The following ADGRB3 variants were observed in gnomAD, a reference collection of about 807,000 sequenced individuals.
The protein encoded by ADGRB3 is brain-specific angiogenesis inhibitor 3.
A neutral mutation model predicts 193.4 loss-of-function variants in ADGRB3; 37 were observed. That is an observed-to-expected ratio of 0.19 (90% CI 0.15 to 0.25). ADGRB3 has a LOEUF of 0.25. Ranked by LOEUF, ADGRB3 falls within the 10% of genes least tolerant of loss-of-function variation. The pLI is 1.00. For missense variants in ADGRB3, 1,637 were observed against 1,852.9 expected (o/e 0.88, Z 2.14); for synonymous variants, 690 against 644.2 (o/e 1.07, Z -1.08).
intron 3 of ADGRB3, among the ~76,000 whole-genome samples, chr6:68,728,311 A>T (rs933084044): frequency 6.6e-6 from 1 of 151,508 alleles, no homozygotes; most frequent in Admixed American, 6.6e-5. Flanking sequence ...CAATGTTGCA[A>T]TACATCTTTC....
chr6:69,091,570 C>G (rs1241249465), intron 17 of ADGRB3, among the ~76,000 whole-genome samples: 1 of 152,092 alleles, frequency 6.6e-6, no homozygotes, highest in East Asian at 1.9e-4. Flanking sequence ...GTTCTCACTT[C>G]TAAGTGGGAG....
intron 17 of ADGRB3, among the ~76,000 whole-genome samples, chr6:69,143,697 T>C (rs1774403170): frequency 1.3e-5 from 2 of 152,224 alleles, no homozygotes; most frequent in African/African-American, 2.4e-5. Context: ...ACTATAGTTG[T>C]ATGGATTTTT....
rs941422802 is a variant in ADGRB3, at chr6:69,106,227, TTGTTA to T, written c.2480+30196_2480+30200del. On this transcript the variant is annotated intron_variant, in intron 17 of 31. Coordinates refer to ENST00000370598, the MANE Select transcript of ADGRB3 (RefSeq NM_001704.3). ...AAAAGAAACTTTGAAGAAAATAAAT[TTGTTA>T]TGTTATTTTATGTTATTTTTATGTT... Among the ~76,000 whole-genome samples, 4 of 148,044 alleles carry T rather than the reference TTGTTA, an allele frequency of 2.7e-5. No homozygotes were observed. The South Asian group carries it at 6.6e-4, about 24-fold the overall frequency.
chr6:69,103,651 G>T (rs570247183), intron 17 of ADGRB3, among the ~76,000 whole-genome samples: 2 of 151,602 alleles, frequency 1.3e-5, no homozygotes, highest in Admixed American at 6.6e-5. Context: ...ATTTTATCCT[G>T]TAGTGAATTG....
chr6:68,667,620 CAG>C (rs1471907298), intron 3 of ADGRB3, among the ~76,000 whole-genome samples: 1 of 151,832 alleles, frequency 6.6e-6, no homozygotes, highest in African/African-American at 2.4e-5. Flanking sequence ...TCCAGGAAAA[CAG>C]AAATTTCTGA....
chr6:69,103,592 T>C (rs1211407191), intron 17 of ADGRB3, among the ~76,000 whole-genome samples: 1 of 151,980 alleles, frequency 6.6e-6, no homozygotes, highest in African/African-American at 2.4e-5. Context: ...TTCATCTATC[T>C]TAAAGTGGCT....
intron 3 of ADGRB3, among the ~76,000 whole-genome samples, chr6:68,726,260 A>G (rs1221426503): frequency 6.6e-6 from 1 of 151,684 alleles, no homozygotes; most frequent in African/African-American, 2.4e-5. Flanking sequence ...CCAGGGATAT[A>G]AAAAGCAACT....
At chr6:68,681,476 C>T (rs901992681) in intron 3 of ADGRB3, among the ~76,000 whole-genome samples, 1 of 151,932 alleles carries the variant, frequency 6.6e-6, no homozygotes, top group African/African-American at 2.4e-5. Context: ...GATGGGGTCT[C>T]GCGATGTTGC....
chr6:69,068,252 T>A (rs1429436033), intron 16 of ADGRB3, among the ~76,000 whole-genome samples: 1 of 152,164 alleles, frequency 6.6e-6, no homozygotes, highest in African/African-American at 2.4e-5. Context: ...TGAGTACATG[T>A]CAAAACGCAT....
chr6:69,189,249 T>G (rs1041547775), intron 17 of ADGRB3, among the ~76,000 whole-genome samples: 1 of 152,188 alleles, frequency 6.6e-6, no homozygotes, highest in African/African-American at 2.4e-5. Flanking sequence ...AACTTGAATG[T>G]TCATCAGTAT....
chr6:68,993,163 C>T (rs2150274845), intron 10 of ADGRB3, among the ~76,000 whole-genome samples: 1 of 150,994 alleles, frequency 6.6e-6, no homozygotes, highest in East Asian at 2.0e-4. Context: ...GCTGAAGACC[C>T]AGCAGAGAGT....
chr6:69,260,320 C>A (rs527504676), intron 20 of ADGRB3, among the ~76,000 whole-genome samples: 1 of 152,172 alleles, frequency 6.6e-6, no homozygotes, highest in African/African-American at 2.4e-5. Flanking sequence ...TCCTACCTTC[C>A]AGAAGTCAAT....
chr6:68,648,292 A>T (rs953266145), intron 3 of ADGRB3, among the ~76,000 whole-genome samples: 7 of 152,128 alleles, frequency 4.6e-5, no homozygotes, highest in Admixed American at 2.6e-4. Context: ...ACCAGTCCCT[A>T]TCACACAATG....
chr6:69,323,561 A>C (rs970203046), intron 20 of ADGRB3, among the ~76,000 whole-genome samples: 1 of 152,038 alleles, frequency 6.6e-6, no homozygotes, highest in African/African-American at 2.4e-5. Flanking sequence ...TAAGTACTAC[A>C]TGAAACAAAG....
At chr6:69,200,370 A>C (rs1582539639) in intron 17 of ADGRB3, among the ~76,000 whole-genome samples, 1 of 151,748 alleles carries the variant, frequency 6.6e-6, no homozygotes, top group East Asian at 1.9e-4. Context: ...ATTAAGGCTA[A>C]ATTTATAATA....
intron 17 of ADGRB3, among the ~76,000 whole-genome samples, chr6:69,127,012 G>C (rs1050899173): frequency 2.0e-5 from 3 of 152,194 alleles, no homozygotes; most frequent in African/African-American, 7.2e-5. Context: ...ATTGAGATTG[G>C]GTTGGAAGCT....
At chr6:68,790,618 T>G (rs996846625) in intron 3 of ADGRB3, among the ~76,000 whole-genome samples, 1 of 152,130 alleles carries the variant, frequency 6.6e-6, no homozygotes, top group African/African-American at 2.4e-5. Flanking sequence ...GGCAGCAGCA[T>G]CTGCGGTTCA....
chr6:68,674,956 A>C (rs1769053605), intron 3 of ADGRB3, among the ~76,000 whole-genome samples: 1 of 152,088 alleles, frequency 6.6e-6, no homozygotes, highest in African/African-American at 2.4e-5. Flanking sequence ...AGTGTAAAAT[A>C]TAAGATAGGG....
chr6:69,063,165 T>C, intron 16 of ADGRB3, 129 bp downstream of exon 16: 2 of 591,250 alleles, frequency 3.4e-6, no homozygotes, highest in African/African-American at 1.9e-5. Context: ...TTGTTATGAG[T>C]ATGTGTATTA....
Sources: gnomAD v4.1 joint callset for allele counts (sites outside exome capture counted in the v4.1 genomes callset) on GRCh38, gnomAD v4.1.1 for gene constraint, MANE v1.5 for transcripts, NCBI Gene and HGNC (gene_info 2026-07-23, HGNC 2026-07-21) for gene names.